The following GNAS-AS1 variants were observed in gnomAD, a reference collection of about 807,000 sequenced individuals.
GNAS-AS1 encodes GNAS antisense RNA 1.
chr20:58,820,970 A>C (rs1434164643), intron 4 of GNAS-AS1, among the ~76,000 whole-genome samples: 1 of 152,046 alleles, frequency 6.6e-6, no homozygotes, highest in Non-Finnish European at 1.5e-5. Flanking sequence ...GACCCCAGCT[A>C]CCCAATGTGG....
chr20:58,822,527 G>T (rs1001766367), intron 4 of GNAS-AS1, among the ~76,000 whole-genome samples: 2 of 152,194 alleles, frequency 1.3e-5, no homozygotes, highest in African/African-American at 4.8e-5. Flanking sequence ...CTAAACGTTG[G>T]CGGTCATCAT....
Position 58,841,253 on chromosome 20 carries a change from T to G in GNAS-AS1, n.819+684A>C, listed in dbSNP as rs1046583691. 1 of 971,338 alleles carries G rather than the reference T, an allele frequency of 1.0e-6. No individual in the cohort carries two copies. 60.2% of individuals were successfully genotyped at this position (971,338 alleles called of 1,614,324 possible). On this transcript the variant is annotated intron_variant and non_coding_transcript_variant, in intron 4 of 4. Coordinates refer to ENST00000424094, the Ensembl canonical transcript of GNAS-AS1. The surrounding 1 kb of genome is among the most constrained non-coding windows in gnomAD (Gnocchi z 5.0). The stretch of plus-strand genomic sequence containing the variant: ...CACTTGTTTTGCGCGCTTTTCTTCC[T>G]CCTAGAAAGACTAGTCTCAAATAAG...
At position 58,831,616 on chromosome 20, in the gene GNAS-AS1, G is replaced by A. The variant is rs534465232; in HGVS notation, n.819+10321C>T. Among the ~76,000 whole-genome samples, 72 of 152,146 alleles carry A rather than the reference G, an allele frequency of 4.7e-4. No homozygotes were observed. The South Asian group carries it at 0.014, about 29-fold the overall frequency. ...ACTGCATTCCAGTCTGGGCGATAGA[G>A]CGAGACTCTGTCTCAAAAACAAAAA... is the stretch of plus-strand genomic sequence containing the variant. On this transcript the variant is annotated intron_variant and non_coding_transcript_variant, in intron 4 of 4. Transcript: ENST00000424094.
At position 58,840,905 on chromosome 20, in the gene GNAS-AS1, AACTGGGG is replaced by A. The variant is rs1224959871; in HGVS notation, n.819+1025_819+1031del. The A allele has an allele frequency of 6.2e-7, 1 of 1,611,738 alleles. No homozygotes were observed. The highest frequency in any genetic ancestry group is 8.5e-7 in the Non-Finnish European group (1 of 1,179,476). ...GATTCAGGTTAGTTGCCCACCGCTA[AACTGGGG>A]AGCCTGAGGGCGGTGTGGGAGCAGC... On this transcript the variant is annotated intron_variant and non_coding_transcript_variant, in intron 4 of 4. Coordinates refer to ENST00000424094, the Ensembl canonical transcript of GNAS-AS1. The surrounding 1 kb of genome is among the most constrained non-coding windows in gnomAD (Gnocchi z 6.0).
At chr20:58,830,083 T>C (rs975114118) in intron 4 of GNAS-AS1, among the ~76,000 whole-genome samples, 14 of 151,994 alleles carry the variant, frequency 9.2e-5, no homozygotes, top group Non-Finnish European at 1.6e-4. Flanking sequence ...TCTTTCTGCA[T>C]GGCTGGGCTC....
chr20:58,821,048 C>T (rs556885442), intron 4 of GNAS-AS1, among the ~76,000 whole-genome samples: 16 of 152,340 alleles, frequency 1.1e-4, no homozygotes, highest in East Asian at 3.9e-4. Context: ...GTCAGGGAGA[C>T]CTTCAAGCCA....
At chr20:58,848,796 G>A (rs1009759137) in intron 2 of GNAS-AS1, 5 of 398,050 alleles carry the variant, frequency 1.3e-5, no homozygotes, top group Middle Eastern at 6.2e-4. Flanking sequence ...GGTGCCACAG[G>A]TGGGTCAACT....
chr20:58,840,917 TGA>T lies in GNAS-AS1; in HGVS notation n.819+1018_819+1019del. 1 of 1,609,050 alleles carries T rather than the reference TGA, an allele frequency of 6.2e-7. No individual in the cohort carries two copies. Among genetic ancestry groups the T allele is most frequent in the Non-Finnish European group, 8.5e-7 (1 of 1,177,946 alleles). On this transcript the variant is annotated intron_variant and non_coding_transcript_variant, in intron 4 of 4. Transcript: ENST00000424094. The surrounding 1 kb of genome is among the most constrained non-coding windows in gnomAD (Gnocchi z 6.0). ...TTGCCCACCGCTAAACTGGGGAGCC[TGA>T]GGGCGGTGTGGGAGCAGCGCAGGTG...
At chr20:58,819,538 T>A (rs1298866238) in intron 4 of GNAS-AS1, among the ~76,000 whole-genome samples, 1 of 152,088 alleles carries the variant, frequency 6.6e-6, no homozygotes, top group African/African-American at 2.4e-5. Context: ...TTCAATGAAA[T>A]GGGTGTGGAG....
At chr20:58,825,948 T>C in intron 4 of GNAS-AS1, 3 of 397,126 alleles carry the variant, frequency 7.6e-6, no homozygotes, top group Non-Finnish European at 1.3e-5. Context: ...AGGCCTTGTG[T>C]CTCTCAATCA....
In GNAS-AS1 at chr20:58,838,886, C is replaced by T. The variant is rs934265577; in HGVS notation, n.819+3051G>A. 1.3e-5 allele frequency: 5 copies of T among 378,736 alleles called. No individual in the cohort carries two copies. The Admixed American group carries it at 2.1e-4, about 16-fold the overall frequency. 23.5% of individuals were successfully genotyped at this position (378,736 alleles called of 1,614,324 possible). ...GACCCAAGATCACATCAGTGCACTC[C>T]AGCTTGGGTGACAGAGCAAGATTCT... On this transcript the variant is annotated intron_variant and non_coding_transcript_variant, in intron 4 of 4. Coordinates refer to ENST00000424094, the Ensembl canonical transcript of GNAS-AS1.
At chr20:58,831,766 A>C (rs1223989848) in intron 4 of GNAS-AS1, among the ~76,000 whole-genome samples, 1 of 152,202 alleles carries the variant, frequency 6.6e-6, no homozygotes, top group Non-Finnish European at 1.5e-5. Context: ...AAGACTCTAA[A>C]ATCTTAAAGC....
Position 58,840,458 on chromosome 20 carries a change from G to GA in GNAS-AS1, n.819+1478dup, listed in dbSNP as rs779115304. ...CGAGACCGAGAGCGAGACCGAGTCC[G>GA]AAATCGAGTCCGAGACCGACTTCGA... On this transcript the variant is annotated intron_variant and non_coding_transcript_variant, in intron 4 of 4. Coordinates refer to ENST00000424094, the Ensembl canonical transcript of GNAS-AS1. This position sits in a 1 kb window ranked among gnomAD's most constrained non-coding sequence, Gnocchi z 6.0. 4.8e-5 allele frequency: 77 copies of GA among 1,613,408 alleles called. No homozygotes were observed. Among genetic ancestry groups the GA allele is most frequent in the Non-Finnish European group, 6.3e-5 (74 of 1,179,882 alleles).
chr20:58,841,749 G>C lies in GNAS-AS1; in HGVS notation n.819+188C>G, dbSNP rs767823238. Reference sequence around the variant, plus strand: ...GGGTTGAACGCACAGGCATGGTCACGTCGGGGTATTGCCAAGCTTTTGGCG... The same window carrying C: ...GGGTTGAACGCACAGGCATGGTCACCTCGGGGTATTGCCAAGCTTTTGGCG... On this transcript the variant is annotated intron_variant and non_coding_transcript_variant, in intron 4 of 4. Coordinates refer to ENST00000424094, the Ensembl canonical transcript of GNAS-AS1. This position sits in a 1 kb window ranked among gnomAD's most constrained non-coding sequence, Gnocchi z 5.0. 3.5e-4 allele frequency: 427 copies of C among 1,228,344 alleles called. No individual in the cohort carries two copies. Among genetic ancestry groups the C allele is most frequent in the Non-Finnish European group, 4.2e-4 (413 of 986,332 alleles). The allele number at this position is 1,228,344 out of a possible 1,614,324, so 76.1% of individuals were successfully genotyped here.
At chr20:58,842,218 T>TG in exon 4 of GNAS-AS1, 1 of 398,464 alleles carries the variant, frequency 2.5e-6, no homozygotes, top group Non-Finnish European at 4.4e-6. Flanking sequence ...TCGCCAGTCC[T>TG]GGGGGGAAAG....
intron 1 of GNAS-AS1, among the ~76,000 whole-genome samples, chr20:58,849,547 C>T (rs1301353641): frequency 6.6e-6 from 1 of 152,206 alleles, no homozygotes; most frequent in Admixed American, 6.5e-5. Flanking sequence ...GCAAAAATCT[C>T]CATCCCAACT....
intron 4 of GNAS-AS1, chr20:58,834,051 G>T (rs1600648116): frequency 6.6e-6 from 1 of 152,196 alleles, no homozygotes; most frequent in South Asian, 2.1e-4. Context: ...TTCTATGAGC[G>T]TGTGCCTAAA....
chr20:58,829,125 T>TC (rs1219588165), intron 4 of GNAS-AS1, among the ~76,000 whole-genome samples: 2 of 152,220 alleles, frequency 1.3e-5, no homozygotes, highest in Non-Finnish European at 2.9e-5. Flanking sequence ...TGGGCCTCTT[T>TC]CCCTGCTTCT....
chr20:58,820,701 G>A (rs887681507), intron 4 of GNAS-AS1, among the ~76,000 whole-genome samples: 10 of 152,262 alleles, frequency 6.6e-5, no homozygotes, highest in Non-Finnish European at 1.2e-4. Context: ...AAGGCAAGGA[G>A]GAGCAAGTCA....
Sources: allele counts gnomAD v4.1 joint callset (sites outside exome capture counted in the v4.1 genomes callset), GRCh38; gene constraint gnomAD v4.1.1; non-coding constraint Gnocchi (gnomAD v3.1); transcripts MANE v1.5; gene names NCBI Gene and HGNC (gene_info 2026-07-23, HGNC 2026-07-21).